The following SORBS2 variants were observed in gnomAD, a reference collection of about 807,000 sequenced individuals.
SORBS2 encodes the protein sorbin and SH3 domain containing 2.
Under a neutral mutation model 97.7 loss-of-function variants are expected in SORBS2, and 46 were observed. That is an observed-to-expected ratio of 0.47 (90% CI 0.37 to 0.60). SORBS2 has a LOEUF of 0.60. SORBS2 is among the 20% of genes least tolerant of loss of function. The pLI, the probability that SORBS2 is intolerant of heterozygous loss-of-function variation, is 0.00. For missense variants in SORBS2, 1,316 were observed against 1,282.3 expected (o/e 1.03, Z -0.40); for synonymous variants, 476 against 473.4 (o/e 1.01, Z -0.07).
intron 1 of SORBS2, among the ~76,000 whole-genome samples, chr4:185,655,924 A>G (rs2097393287): frequency 6.6e-6 from 1 of 152,240 alleles, no homozygotes; most frequent in South Asian, 2.1e-4. Flanking sequence ...ATAACTACAT[A>G]GAATCAGGGC....
At chr4:185,760,276 C>T (rs181611149) in intron 2 of SORBS2, among the ~76,000 whole-genome samples, 2 of 152,304 alleles carry the variant, frequency 1.3e-5, no homozygotes, top group African/African-American at 2.4e-5. Context: ...ATGTGGCTGG[C>T]ATTACAGCCA....
chr4:185,642,318 T>C (rs1177909445), intron 4 of SORBS2, among the ~76,000 whole-genome samples: 1 of 152,166 alleles, frequency 6.6e-6, no homozygotes, highest in Non-Finnish European at 1.5e-5. Context: ...TGTTCAAGTT[T>C]AGTTATTGTA....
In SORBS2 at chr4:185,879,245, C is replaced by T. The variant is rs1000821351; in HGVS notation, c.-338+76951G>A. Reference sequence around the variant, plus strand: ...CCATGTGTTCTCATTGTTCAATTCCCACCTATGAGTGAGAACATGCGGTGT... The same window carrying T: ...CCATGTGTTCTCATTGTTCAATTCCTACCTATGAGTGAGAACATGCGGTGT... On this transcript the variant is annotated intron_variant, in intron 1 of 20. Coordinates refer to the SORBS2 transcript ENST00000284776. 4.8e-5 allele frequency among the ~76,000 whole-genome samples: 7 copies of T among 144,978 alleles called. 1 individual carries two copies. In the South Asian group the frequency reaches 6.5e-4, roughly 14 times the overall value.
At chr4:185,605,593 C>CT (rs975693350) in intron 12 of SORBS2, among the ~76,000 whole-genome samples, 43 of 150,932 alleles carry the variant, frequency 2.8e-4, no homozygotes, top group South Asian at 1.3e-3. Context: ...TTAAGTTTCT[C>CT]TTTTTTTTTG....
intron 1 of SORBS2, among the ~76,000 whole-genome samples, chr4:185,801,877 G>A (rs1355211116): frequency 6.6e-6 from 1 of 152,104 alleles, no homozygotes; most frequent in Non-Finnish European, 1.5e-5. Context: ...TTTCTCATGT[G>A]AAACAGTGAT....
At chr4:185,918,092 C>T (rs11931475) in intron 1 of SORBS2, 1 of 152,148 alleles carries the variant, frequency 6.6e-6, no homozygotes, top group African/African-American at 2.4e-5. Flanking sequence ...GGTATTTACT[C>T]AACCAGTGTT....
intron 2 of SORBS2, among the ~76,000 whole-genome samples, chr4:185,725,922 T>C (rs1269348929): frequency 1.3e-5 from 2 of 152,210 alleles, no homozygotes; most frequent in African/African-American, 4.8e-5. Flanking sequence ...TTATTTTCCT[T>C]CTCAGTTTTT....
intron 2 of SORBS2, chr4:185,772,565 T>C (rs1393733412): frequency 6.6e-6 from 1 of 152,172 alleles, no homozygotes; most frequent in Admixed American, 6.5e-5. Flanking sequence ...CGGGACTTCC[T>C]TCCTTCAGCT....
chr4:185,618,617 T>G (rs1456220339), exon 9 of SORBS2: 6 of 1,540,184 alleles, frequency 3.9e-6, no homozygotes, highest in African/African-American at 1.4e-5. Context: ...CATAAACAGC[T>G]TTTGCAGGCA....
intron 4 of SORBS2, chr4:185,677,556 A>C: frequency 6.5e-7 from 1 of 1,547,334 alleles, no homozygotes; most frequent in Non-Finnish European, 8.7e-7. Context: ...GTTAGTTACT[A>C]ACTGGTCTAA....
chr4:185,642,053 G>A (rs569386062), intron 4 of SORBS2, among the ~76,000 whole-genome samples: 25 of 152,062 alleles, frequency 1.6e-4, no homozygotes, highest in Admixed American at 3.3e-4. Context: ...TTCAAATTAC[G>A]CTCATTCCAT....
intron 1 of SORBS2, among the ~76,000 whole-genome samples, chr4:185,914,993 G>C (rs1243645904): frequency 6.6e-6 from 1 of 152,148 alleles, no homozygotes; most frequent in Non-Finnish European, 1.5e-5. Context: ...TGTGGCAAAT[G>C]GATTGTAAAT....
At chr4:185,768,715 A>AC (rs202014693) in intron 2 of SORBS2, among the ~76,000 whole-genome samples, 2 of 140,810 alleles carry the variant, frequency 1.4e-5, no homozygotes, top group African/African-American at 5.6e-5. Context: ...AAAAAAACAA[A>AC]AAAACAAAAA....
intron 1 of SORBS2, among the ~76,000 whole-genome samples, chr4:185,851,219 T>G (rs1474363547): frequency 6.6e-6 from 1 of 152,178 alleles, no homozygotes; most frequent in Non-Finnish European, 1.5e-5. Context: ...CTTTCATATT[T>G]TGCCTCTGAC....
chr4:185,826,771 G>T (rs1331283225), intron 1 of SORBS2, among the ~76,000 whole-genome samples: 1 of 152,172 alleles, frequency 6.6e-6, no homozygotes, highest in Non-Finnish European at 1.5e-5. Context: ...AGTAAAATGG[G>T]AATCAGAAGA....
intron 2 of SORBS2, among the ~76,000 whole-genome samples, chr4:185,764,201 T>C (rs114166216): frequency 0.015 from 2,249 of 152,328 alleles, 55 homozygotes; most frequent in African/African-American, 0.051. Flanking sequence ...AGAGGACTGC[T>C]TGTCTGTTTT....
intron 1 of SORBS2, among the ~76,000 whole-genome samples, chr4:185,837,910 G>C (rs1044374555): frequency 1.3e-5 from 2 of 151,028 alleles, no homozygotes; most frequent in African/African-American, 4.9e-5. Flanking sequence ...AGGGCTGCTT[G>C]GGCCAGTCCC....
At chr4:185,755,647 T>C (rs2098826422) in intron 2 of SORBS2, among the ~76,000 whole-genome samples, 1 of 152,172 alleles carries the variant, frequency 6.6e-6, no homozygotes, top group African/African-American at 2.4e-5. Flanking sequence ...TCTTGAAAAC[T>C]CATTTGACTA....
intron 2 of SORBS2, among the ~76,000 whole-genome samples, chr4:185,759,625 T>C (rs2098855021): frequency 6.6e-6 from 1 of 152,156 alleles, no homozygotes; most frequent in Non-Finnish European, 1.5e-5. Context: ...GTTTTTTTTT[T>C]TTCTGTTACA....
Sources: allele counts gnomAD v4.1 joint callset (sites outside exome capture counted in the v4.1 genomes callset), GRCh38; gene constraint gnomAD v4.1.1; transcripts MANE v1.5; gene names NCBI Gene and HGNC (gene_info 2026-07-23, HGNC 2026-07-21).